CACNB3: variants seen among roughly 807,000 people sequenced by gnomAD.
CACNB3 encodes calcium voltage-gated channel auxiliary subunit beta 3, also known as voltage-dependent L-type calcium channel subunit beta-3.
A neutral mutation model predicts 63.7 loss-of-function variants in CACNB3; 36 were observed. The ratio of observed to expected loss-of-function variants is 0.57; its 90% CI spans 0.43 to 0.75. CACNB3 has a LOEUF of 0.75. Ranked by LOEUF, CACNB3 falls within the 30% of genes least tolerant of loss-of-function variation. The probability of loss-of-function intolerance (pLI) is 0.00; values close to 1 mark genes in which losing one functional copy is unlikely to be tolerated. For missense variants in CACNB3, 493 were observed against 648.6 expected, an observed-to-expected ratio of 0.76 and a Z score of 2.61; for synonymous variants, 241 against 250.6, an observed-to-expected ratio of 0.96 and a Z score of 0.36.
In CACNB3 at chr12:48,826,331, G is replaced by A. The variant is rs767395204; in HGVS notation, c.743-36G>A. 6.2e-7 allele frequency: 1 copy of A among 1,612,450 alleles called. No individual in the cohort carries two copies. The highest frequency in any genetic ancestry group is 1.7e-5 in the Admixed American group (1 of 60,020). On this transcript the variant is annotated intron_variant, in intron 9 of 12. Transcript: ENST00000301050. This position sits in a 1 kb window ranked among gnomAD's most constrained non-coding sequence, Gnocchi z 4.8. ...CCTGCTGGAGTGAGCAGTGGGCAGA[G>A]CTCCTGGTGAGCACTGCTGCTGCCT...
Position 48,827,712 on chromosome 12 carries a change from G to A in CACNB3, c.1268G>A (p.Arg423His), listed in dbSNP as rs2229954. The A allele has an allele frequency of 5.4e-4, 872 of 1,614,050 alleles. 10 individuals are homozygous for A. In the East Asian group the frequency reaches 0.019, roughly 35 times the overall value. The part of the protein sequence containing the change: ...AWTGSSQRSS[R>H]HLEEDYADAY... ...ACAGGATCTTCACAGCGTAGCTCCCGCCACCTGGAGGAGGACTATGCAGAT... is the reference window on the plus strand; with the variant it reads ...ACAGGATCTTCACAGCGTAGCTCCCACCACCTGGAGGAGGACTATGCAGAT... Residue 423 changes from arginine (R) to histidine (H), a missense_variant, in exon 13 of 13, where the codon CGC becomes CAC. Physicochemically the swap from Arg to His is conservative, Grantham distance 29 (BLOSUM62 0). Transcript: ENST00000301050.
chr12:48,828,870 T>A lies in CACNB3; in HGVS notation c.*971T>A. On this transcript the variant is annotated 3_prime_UTR_variant, in exon 13 of 13. Coordinates refer to ENST00000301050, the MANE Select transcript of CACNB3 (RefSeq NM_000725.4). ...ACTCTTGCCTTATGGCTCTAGTGTG[T>A]GACCTACAGAGCATGCTCCACAAGC... 1 of 421,824 alleles carries A rather than the reference T, an allele frequency of 2.4e-6. No individual in the cohort carries two copies. Among genetic ancestry groups the A allele is most frequent in the South Asian group, 1.7e-5 (1 of 58,434 alleles). The allele number at this position is 421,824 out of a possible 1,614,324, so 26.1% of individuals were successfully genotyped here. A position where few individuals can be genotyped will look rare whatever the true frequency, so the allele number is the denominator to read the frequency against.
At chr12:48,819,005 G>A in intron 1 of CACNB3, 31 bp downstream of exon 1, 1 of 1,595,702 alleles carries the variant, frequency 6.3e-7, no homozygotes, top group South Asian at 1.1e-5. Flanking sequence ...TGGGGGCGGG[G>A]AAGTTGGGGT....
chr12:48,826,307 C>T lies in CACNB3; in HGVS notation c.743-60C>T. The T allele has an allele frequency of 1.3e-6, 2 of 1,586,128 alleles. No individual in the cohort carries two copies. The highest frequency in any genetic ancestry group is 1.7e-4 in the Middle Eastern group (1 of 5,784). On this transcript the variant is annotated intron_variant, in intron 9 of 12. Coordinates refer to ENST00000301050, the MANE Select transcript of CACNB3 (RefSeq NM_000725.4). The surrounding 1 kb of genome is among the most constrained non-coding windows in gnomAD (Gnocchi z 4.8). ...TCCACCATTCGGGAGCCCTCAAAGC[C>T]TGCTGGAGTGAGCAGTGGGCAGAGC... is the stretch of plus-strand genomic sequence containing the variant.
chr12:48,818,273 TCCTC>T (rs1942337539), upstream of CACNB3: 1 of 162,898 alleles, frequency 6.1e-6, no homozygotes, highest in East Asian at 1.9e-4. The surrounding 1 kb of genome is among the most constrained non-coding windows in gnomAD (Gnocchi z 4.3). Context: ...GTCCTCTCCG[TCCTC>T]CCTCTGCCTC....
Position 48,818,890 on chromosome 12 carries a change from C to A in CACNB3, c.-40C>A, listed in dbSNP as rs780563540. On this transcript the variant is annotated 5_prime_UTR_variant, in exon 1 of 13. Transcript: ENST00000301050. This position sits in a 1 kb window ranked among gnomAD's most constrained non-coding sequence, Gnocchi z 4.3. ...CTTGCCCCTGCCTCCGGGCCGCTCCCGCCCCCGGCGCCGCTCGCTCCCCCG... is the reference window on the plus strand; with the variant it reads ...CTTGCCCCTGCCTCCGGGCCGCTCCAGCCCCCGGCGCCGCTCGCTCCCCCG... The A allele has an allele frequency of 3.2e-6, 5 of 1,545,056 alleles. No homozygotes were observed. The highest frequency in any genetic ancestry group is 2.8e-5 in the African/African-American group (2 of 71,966).
At position 48,823,307 on chromosome 12, in the gene CACNB3, C is replaced by T. The variant is rs763153888; in HGVS notation, c.46-37C>T. 3 of 1,606,498 alleles carry T rather than the reference C, an allele frequency of 1.9e-6. No individual in the cohort carries two copies. Among genetic ancestry groups the T allele is most frequent in the Admixed American group, 3.4e-5 (2 of 59,066 alleles). On this transcript the variant is annotated intron_variant, in intron 1 of 12. Coordinates refer to ENST00000301050, the MANE Select transcript of CACNB3 (RefSeq NM_000725.4). The surrounding 1 kb of genome is among the most constrained non-coding windows in gnomAD (Gnocchi z 4.2). ...GGGTGCCTCCATGGCATCCTTCATG[C>T]CGGAGCCTGGGAGTCACAGCCTCTT...
At chr12:48,819,078 G>A in intron 1 of CACNB3, 104 bp downstream of exon 1, 1 of 1,288,626 alleles carries the variant, frequency 7.8e-7, no homozygotes, top group Non-Finnish European at 1.1e-6. Context: ...CTCAGTGGCA[G>A]GGCAGGGTTT....
Position 48,826,573 on chromosome 12 carries a change from G to A in CACNB3, c.894+55G>A. On this transcript the variant is annotated intron_variant, in intron 10 of 12. Coordinates refer to ENST00000301050, the MANE Select transcript of CACNB3 (RefSeq NM_000725.4). The surrounding 1 kb of genome is among the most constrained non-coding windows in gnomAD (Gnocchi z 4.8). Reference sequence around the variant, plus strand: ...CACAGGGCTATCCTACTAGAATGTGGCATGATTCTACTTGGTCCCTGCCTG... The same window carrying A: ...CACAGGGCTATCCTACTAGAATGTGACATGATTCTACTTGGTCCCTGCCTG... 1 of 1,605,490 alleles carries A rather than the reference G, an allele frequency of 6.2e-7. No homozygotes were observed. The highest frequency in any genetic ancestry group is 8.5e-7 in the Non-Finnish European group (1 of 1,173,728).
chr12:48,818,375 C>T, upstream of CACNB3: 7 of 875,338 alleles, frequency 8.0e-6, no homozygotes, highest in Non-Finnish European at 9.6e-6. This position sits in a 1 kb window ranked among gnomAD's most constrained non-coding sequence, Gnocchi z 4.3. Context: ...CCCTCCCTCC[C>T]CCGCCGCAGC....
At position 48,827,686 on chromosome 12, in the gene CACNB3, G is replaced by A; in HGVS notation, c.1242G>A (p.Trp414Ter). 1 of 1,614,034 alleles carries A rather than the reference G, an allele frequency of 6.2e-7. No individual in the cohort carries two copies. The change falls in exon 13 of 13, where the codon TGG becomes TGA. Residue 414 changes from tryptophan (W) to a stop codon, truncating the protein, a stop_gained. Transcript: ENST00000301050. LOFTEE classifies it high-confidence loss of function. ...CCAGCGAGAGCTCCCGCCAAGCCTG[G>A]ACAGGATCTTCACAGCGTAGCTCCC... ...DEASESSRQA[W>*]TGSSQRSSRH...
In CACNB3 at chr12:48,826,866, G is replaced by C; in HGVS notation, c.990+12G>C. 1 of 1,613,262 alleles carries C rather than the reference G, an allele frequency of 6.2e-7. No homozygotes were observed. Among genetic ancestry groups the C allele is most frequent in the Non-Finnish European group, 8.5e-7 (1 of 1,179,246 alleles). ...TTCAGTGCCCACCGGTGAGTGCCTG[G>C]GTCAGCTGCTCCTGTGCCCACTCCC... On this transcript the variant is annotated intron_variant, in intron 11 of 12. Transcript: ENST00000301050. This position sits in a 1 kb window ranked among gnomAD's most constrained non-coding sequence, Gnocchi z 4.8.
chr12:48,822,534 T>G (rs1937905589), intron 1 of CACNB3, among the ~76,000 whole-genome samples: 2 of 152,188 alleles, frequency 1.3e-5, no homozygotes, highest in African/African-American at 4.8e-5. Flanking sequence ...TGATGTCCCC[T>G]GGGCCTGGGA....
In CACNB3 at chr12:48,827,064, C is replaced by T. The variant is rs1256299749; in HGVS notation, c.1081C>T (p.His361Tyr). ...EYLEVYWRAT[H>Y]HPAPGPGLLG... The stretch of plus-strand genomic sequence containing the variant: ...CCTGGAGGTTTACTGGCGGGCCACG[C>T]ACCACCCAGCCCCTGGCCCCGGACT... The change falls in exon 12 of 13, where the codon CAC (histidine) becomes TAC (tyrosine). Residue 361 changes from histidine (H) to tyrosine (Y), a missense_variant. Coordinates refer to ENST00000301050, the MANE Select transcript of CACNB3 (RefSeq NM_000725.4). 1 of 1,613,462 alleles carries T rather than the reference C, an allele frequency of 6.2e-7. No homozygotes were observed. The highest frequency in any genetic ancestry group is 8.5e-7 in the Non-Finnish European group (1 of 1,180,022).
chr12:48,825,829 C>T lies in CACNB3; in HGVS notation c.742+60C>T, dbSNP rs1565669418. ...TCAAGTGCCAGTGAGAACCTTCCTC[C>T]TCCCTTTTCTTTTTTTTGAGATGGA... On this transcript the variant is annotated intron_variant, in intron 9 of 12. Transcript: ENST00000301050. The surrounding 1 kb of genome is among the most constrained non-coding windows in gnomAD (Gnocchi z 4.5). The T allele has an allele frequency of 8.3e-7, 1 of 1,209,024 alleles. No individual in the cohort carries two copies. The highest frequency in any genetic ancestry group is 1.2e-6 in the Non-Finnish European group (1 of 827,286). 74.9% of individuals were successfully genotyped at this position (1,209,024 alleles called of 1,614,324 possible).
chr12:48,818,046 T>A (rs1942327916), upstream of CACNB3: 1 of 152,440 alleles, frequency 6.6e-6, no homozygotes, highest in Admixed American at 6.5e-5. This position sits in a 1 kb window ranked among gnomAD's most constrained non-coding sequence, Gnocchi z 4.3. Context: ...AGCGTCCCCG[T>A]ACTGAGGGGG....
At chr12:48,827,457 C>A in intron 12 of CACNB3, 128 bp from the exon 13 acceptor site, 1 of 946,100 alleles carries the variant, frequency 1.1e-6, no homozygotes, top group Non-Finnish European at 1.5e-6. Flanking sequence ...AATGCTCCAG[C>A]ATGCTTTTTC....
rs779884277 is a variant in CACNB3, at chr12:48,825,164, C to T, written c.494C>T (p.Ala165Val). 2.1e-5 allele frequency: 34 copies of T among 1,613,644 alleles called. No homozygotes were observed. The Admixed American group carries it at 2.8e-4, about 13-fold the overall frequency. The change falls in exon 7 of 13, where the codon GCG becomes GTG. Residue 165 changes from alanine to valine, a missense_variant and splice_region_variant. Ala to Val is a moderately conservative substitution (Grantham distance 64). Transcript: ENST00000301050. The surrounding 1 kb of genome is among the most constrained non-coding windows in gnomAD (Gnocchi z 4.5). ...PSLAKQKQKQ[A>V]EHVPPYDVVP... ...ACTGACCTCATGTCCATTCTGCAGG[C>T]GGAACATGTTCCCCCATATGACGTG... is the stretch of plus-strand genomic sequence containing the variant.
rs1592181449 is a variant in CACNB3, at chr12:48,818,721, G to A, written c.-209G>A. 2 of 1,287,400 alleles carry A rather than the reference G, an allele frequency of 1.6e-6. No homozygotes were observed. Among genetic ancestry groups the A allele is most frequent in the Non-Finnish European group, 2.0e-6 (2 of 1,018,896 alleles). 79.7% of individuals were successfully genotyped at this position (1,287,400 alleles called of 1,614,324 possible). On this transcript the variant is annotated 5_prime_UTR_variant, in exon 1 of 13. Transcript: ENST00000301050. This position sits in a 1 kb window ranked among gnomAD's most constrained non-coding sequence, Gnocchi z 4.3. ...CTCGGGGTGGGACCGGCTGGGTTTG[G>A]GGGGGTGGGGTGGGGGGAGCGGTGA...
Sources: allele counts gnomAD v4.1 joint callset (sites outside exome capture counted in the v4.1 genomes callset), GRCh38; gene constraint gnomAD v4.1.1; non-coding constraint Gnocchi (gnomAD v3.1); transcripts MANE v1.5; gene names NCBI Gene and HGNC (gene_info 2026-07-23, HGNC 2026-07-21).